The following ERBIN variants were observed in gnomAD, a reference collection of about 807,000 sequenced individuals.
ERBIN encodes erbb2 interacting protein, also known as densin-180-like protein.
Under a neutral mutation model 158.4 loss-of-function variants are expected in ERBIN, and 60 were observed. That is an observed-to-expected ratio of 0.38 (90% CI 0.31 to 0.47). The LOEUF is 0.47. Ranked by LOEUF, ERBIN falls within the 20% of genes least tolerant of loss-of-function variation. The probability of loss-of-function intolerance (pLI) is 0.99; values close to 1 mark genes in which losing one functional copy is unlikely to be tolerated. For synonymous variants in ERBIN, 594 were observed against 557.2 expected (o/e 1.07, Z -0.93); for missense variants, 1,610 against 1,648.0 (o/e 0.98, Z 0.40).
intron 1 of ERBIN, among the ~76,000 whole-genome samples, chr5:65,955,500 G>A (rs1013335590): frequency 6.6e-6 from 1 of 152,082 alleles, no homozygotes; most frequent in Non-Finnish European, 1.5e-5. Flanking sequence ...CATGGTGGCG[G>A]GTGCCTATAA....
At position 66,079,297 on chromosome 5, in the gene ERBIN, T is replaced by G. The variant is rs1205057141; in HGVS notation, c.*767T>G. ...TGCTACTGGTGATTCAGTTTTTAAT[T>G]TTTTAGTCACAGGAAATTTTTAACT... is the stretch of plus-strand genomic sequence containing the variant. On this transcript the variant is annotated 3_prime_UTR_variant, in exon 26 of 26. Transcript: ENST00000284037. 6.6e-6 allele frequency: 1 copy of G among 152,400 alleles called. No homozygotes were observed. Among genetic ancestry groups the G allele is most frequent in the African/African-American group, 2.4e-5 (1 of 41,416 alleles). The allele number at this position is 152,400 out of a possible 1,614,324, so 9.4% of individuals were successfully genotyped here.
intron 1 of ERBIN, among the ~76,000 whole-genome samples, chr5:65,973,852 T>C (rs572406616): frequency 2.6e-5 from 4 of 151,250 alleles, no homozygotes; most frequent in Admixed American, 2.6e-4. Context: ...GAAAGGGAGA[T>C]AGTAAAATAA....
intron 1 of ERBIN, among the ~76,000 whole-genome samples, chr5:65,972,356 G>A (rs1227171917): frequency 6.6e-6 from 1 of 151,538 alleles, no homozygotes; most frequent in African/African-American, 2.4e-5. Flanking sequence ...AACCATTGAT[G>A]TTACGCAAAT....
intron 1 of ERBIN, among the ~76,000 whole-genome samples, chr5:65,957,682 G>A (rs893962930): frequency 5.3e-5 from 8 of 152,070 alleles, no homozygotes; most frequent in Admixed American, 3.3e-4. Context: ...TTTTCTATTC[G>A]ACAAAACCGC....
chr5:66,048,025 G>A (rs1363662900), intron 18 of ERBIN, among the ~76,000 whole-genome samples: 1 of 151,870 alleles, frequency 6.6e-6, no homozygotes, highest in Non-Finnish European at 1.5e-5. Flanking sequence ...TGAGAAGGGG[G>A]CATTTCACCT....
intron 14 of ERBIN, among the ~76,000 whole-genome samples, chr5:66,036,807 A>G (rs1757443057): frequency 6.6e-6 from 1 of 152,232 alleles, no homozygotes; most frequent in African/African-American, 2.4e-5. Flanking sequence ...TGGCATAGTA[A>G]TAGAATATGT....
At chr5:65,944,078 A>C (rs1478228582) in intron 1 of ERBIN, among the ~76,000 whole-genome samples, 2 of 152,142 alleles carry the variant, frequency 1.3e-5, no homozygotes, top group African/African-American at 4.8e-5. Flanking sequence ...GCCATATTTT[A>C]GCCATTGTGG....
chr5:66,048,817 T>G lies in ERBIN; in HGVS notation c.1903+36T>G, dbSNP rs774997688. On this transcript the variant is annotated intron_variant, in intron 19 of 25. Transcript: ENST00000284037. Reference sequence around the variant, plus strand: ...AAAGGAAAGTGCTAAGAATAGAAATTGCCTCAATAAATTTATAAATTTTTT... The same window carrying G: ...AAAGGAAAGTGCTAAGAATAGAAATGGCCTCAATAAATTTATAAATTTTTT... 8.1e-6 allele frequency: 10 copies of G among 1,237,596 alleles called. No individual in the cohort carries two copies. The African/African-American group carries it at 1.4e-4, about 17-fold the overall frequency. 76.7% of individuals were successfully genotyped at this position (1,237,596 alleles called of 1,614,324 possible).
chr5:65,943,952 T>G (rs1161462279), intron 1 of ERBIN, among the ~76,000 whole-genome samples: 1 of 152,230 alleles, frequency 6.6e-6, no homozygotes, highest in Non-Finnish European at 1.5e-5. Flanking sequence ...TCCTCAAGGT[T>G]CATCTGTGTT....
chr5:66,025,133 ATTAAT>A (rs1756098462), intron 10 of ERBIN, among the ~76,000 whole-genome samples: 2 of 152,054 alleles, frequency 1.3e-5, no homozygotes, highest in Admixed American at 1.3e-4. Context: ...TCTTTAGTCT[ATTAAT>A]TTAACAAGTT....
intron 1 of ERBIN, among the ~76,000 whole-genome samples, chr5:65,964,694 A>G (rs575926648): frequency 4.6e-5 from 7 of 151,862 alleles, no homozygotes; most frequent in Admixed American, 2.6e-4. Context: ...CATTTGCACT[A>G]ATCTTGCCTC....
chr5:65,926,913 A>G (rs894124601), intron 1 of ERBIN, 107 bp downstream of exon 1: 14 of 151,752 alleles, frequency 9.2e-5, no homozygotes, highest in Admixed American at 2.6e-4. Context: ...GTTGCCCTAA[A>G]CCCTCCTTTT....
chr5:65,969,079 G>GATATATGTCA (rs1337301589), intron 1 of ERBIN, among the ~76,000 whole-genome samples: 3 of 152,028 alleles, frequency 2.0e-5, no homozygotes, highest in Non-Finnish European at 4.4e-5. Flanking sequence ...ATGCTACTGT[G>GATATATGTCA]ATATATGTCA....
intron 1 of ERBIN, among the ~76,000 whole-genome samples, chr5:65,962,983 A>G (rs1445977936): frequency 2.0e-5 from 3 of 152,176 alleles, no homozygotes; most frequent in Non-Finnish European, 4.4e-5. Context: ...TGTTTTCCAG[A>G]TGATCTGTCT....
chr5:66,026,043 C>T, intron 12 of ERBIN, 66 bp downstream of exon 12: 2 of 1,311,636 alleles, frequency 1.5e-6, no homozygotes, highest in East Asian at 2.5e-5. Flanking sequence ...TTCATTATAG[C>T]TATTTAGTGT....
chr5:65,943,119 C>T (rs1183129089), intron 1 of ERBIN, among the ~76,000 whole-genome samples: 1 of 152,140 alleles, frequency 6.6e-6, no homozygotes, highest in African/African-American at 2.4e-5. Context: ...TTAGGCTTCA[C>T]TCTTTGTGTT....
At chr5:66,034,128 AAAG>A (rs1757159780) in intron 14 of ERBIN, among the ~76,000 whole-genome samples, 1 of 151,586 alleles carries the variant, frequency 6.6e-6, no homozygotes, top group Non-Finnish European at 1.5e-5. Context: ...AAAAAAAAAA[AAAG>A]AATATGAGAA....
At chr5:65,976,049 G>A (rs1261114317) in intron 1 of ERBIN, among the ~76,000 whole-genome samples, 1 of 152,184 alleles carries the variant, frequency 6.6e-6, no homozygotes, top group Non-Finnish European at 1.5e-5. Context: ...GTTACTAGGA[G>A]AAACAAAGGT....
At chr5:66,068,991 A>G in intron 21 of ERBIN, 4 of 1,534,714 alleles carry the variant, frequency 2.6e-6, no homozygotes, top group Non-Finnish European at 2.6e-6. Flanking sequence ...TGTTGCAGAC[A>G]GAAGAGGTTC....
Sources: allele counts gnomAD v4.1 joint callset (sites outside exome capture counted in the v4.1 genomes callset), GRCh38; gene constraint gnomAD v4.1.1; transcripts MANE v1.5; gene names NCBI Gene and HGNC (gene_info 2026-07-23, HGNC 2026-07-21).